Variants in PTPRT observed in about 807,000 individuals in gnomAD.
PTPRT encodes the protein receptor-type tyrosine-protein phosphatase T.
PTPRT carries 56 observed loss-of-function variants against 176.8 expected under a neutral mutation model. The observed-to-expected ratio is 0.32, with a 90% CI of 0.26 to 0.40. PTPRT has a LOEUF of 0.40. PTPRT is among the 10% of genes least tolerant of loss of function. PTPRT has a pLI of 1.00. For synonymous variants in PTPRT, 783 were observed against 739.0 expected (o/e 1.06, Z -0.96); for missense variants, 1,540 against 1,908.2 (o/e 0.81, Z 3.60).
At position 42,104,589 on chromosome 20, in the gene PTPRT, G is replaced by C. The variant is rs1986249924; in HGVS notation, c.3520C>G (p.Gln1174Glu). 1 of 1,613,158 alleles carries C rather than the reference G, an allele frequency of 6.2e-7. No homozygotes were observed. The highest frequency in any genetic ancestry group is 8.5e-7 in the Non-Finnish European group (1 of 1,179,252). Reference protein sequence around the residue: ...SRLDPQTNSSQIKDEFQTLNI... With the variant: ...SRLDPQTNSSEIKDEFQTLNI... Reference sequence around the variant, plus strand: ...CATACCTGAAATTCATCTTTGATTTGGCTGGAGTTTGTCTGGGGGTCCAGC... The same window carrying C: ...CATACCTGAAATTCATCTTTGATTTCGCTGGAGTTTGTCTGGGGGTCCAGC... Residue 1174 changes from glutamine to glutamate, a missense_variant, in exon 25 of 31, where the codon CAA becomes GAA. This residue lies in a region of PTPRT where 342 missense variants were observed against 394.0 expected (regional missense o/e 0.87). Coordinates refer to ENST00000373187, the MANE Select transcript of PTPRT (RefSeq NM_007050.6).
chr20:42,125,284 C>T (rs143684070), intron 19 of PTPRT, among the ~76,000 whole-genome samples: 155 of 152,326 alleles, frequency 1.0e-3, no homozygotes, highest in African/African-American at 3.5e-3. Flanking sequence ...AGTAATTGCA[C>T]ACTTGTGGGG....
At chr20:42,337,405 T>C (rs1451036755) in intron 11 of PTPRT, among the ~76,000 whole-genome samples, 1 of 152,176 alleles carries the variant, frequency 6.6e-6, no homozygotes, top group African/African-American at 2.4e-5. Context: ...CTTCTCAGGA[T>C]CTCAGTTTTC....
intron 1 of PTPRT, among the ~76,000 whole-genome samples, chr20:43,186,938 T>C (rs948912285): frequency 6.6e-6 from 1 of 152,214 alleles, no homozygotes; most frequent in African/African-American, 2.4e-5. Context: ...ATGAATTCAT[T>C]ATCCCCTTAT....
At position 42,108,121 on chromosome 20, in the gene PTPRT, A is replaced by AAAT. The variant is rs1986643504; in HGVS notation, c.3255-1203_3255-1201dup. Among the ~76,000 whole-genome samples the AAAT allele has an allele frequency of 2.0e-5, 3 of 151,782 alleles. No homozygotes were observed. The South Asian group carries it at 6.3e-4, about 32-fold the overall frequency. On this transcript the variant is annotated intron_variant, in intron 23 of 30. Coordinates refer to ENST00000373187, the MANE Select transcript of PTPRT (RefSeq NM_007050.6). ...TAAAGAATCAGCCCAATTTGGTTCC[A>AAAT]AATTTTGGAACAACTATCAATCAAT...
At chr20:42,612,982 A>G (rs2073999776) in intron 7 of PTPRT, among the ~76,000 whole-genome samples, 1 of 152,182 alleles carries the variant, frequency 6.6e-6, no homozygotes, top group South Asian at 2.1e-4. Flanking sequence ...GCATAGGGGG[A>G]AAAAAGACCA....
chr20:42,948,704 T>C (rs1981041428), intron 1 of PTPRT, among the ~76,000 whole-genome samples: 1 of 152,176 alleles, frequency 6.6e-6, no homozygotes, highest in South Asian at 2.1e-4. Flanking sequence ...AATTCAGTGA[T>C]GCTTGAAGGA....
chr20:42,646,418 G>C (rs2074900959), intron 7 of PTPRT, among the ~76,000 whole-genome samples: 1 of 152,072 alleles, frequency 6.6e-6, no homozygotes, highest in Admixed American at 6.5e-5. Context: ...CAGAAGTTGA[G>C]TTATTGCAAC....
intron 7 of PTPRT, among the ~76,000 whole-genome samples, chr20:42,610,419 T>A (rs1432651706): frequency 2.0e-5 from 3 of 150,584 alleles, no homozygotes; most frequent in Non-Finnish European, 4.4e-5. Flanking sequence ...GGGGTCTCAC[T>A]ATGTTGACCA....
At chr20:43,157,252 T>C (rs1039412140) in intron 1 of PTPRT, among the ~76,000 whole-genome samples, 4 of 150,860 alleles carry the variant, frequency 2.7e-5, no homozygotes, top group South Asian at 2.1e-4. Flanking sequence ...CCCAGCTACT[T>C]GGGGAGGGGG....
chr20:42,804,392 AC>A lies in PTPRT; in HGVS notation c.215-12927del, dbSNP rs2077574675. On this transcript the variant is annotated intron_variant, in intron 2 of 30. Transcript: ENST00000373187. Reference sequence around the variant, plus strand: ...GTTCCCCTTCCTCTTGCTGCTGTCCACCTCATCCAGTCAAGTGGTCTCTGCA... The same window carrying A: ...GTTCCCCTTCCTCTTGCTGCTGTCCACTCATCCAGTCAAGTGGTCTCTGCA... Among the ~76,000 whole-genome samples the A allele has an allele frequency of 2.0e-5, 3 of 152,004 alleles. No individual in the cohort carries two copies. In the South Asian group the frequency reaches 6.2e-4, roughly 32 times the overall value.
chr20:42,910,209 G>A (rs528268783), intron 1 of PTPRT, among the ~76,000 whole-genome samples: 67 of 152,120 alleles, frequency 4.4e-4, no homozygotes, highest in African/African-American at 1.3e-3. Flanking sequence ...GTTTTGATTC[G>A]GATTCACAAG....
chr20:42,547,392 T>A (rs1027811636), intron 7 of PTPRT, among the ~76,000 whole-genome samples: 1 of 151,636 alleles, frequency 6.6e-6, no homozygotes, highest in African/African-American at 2.4e-5. Flanking sequence ...ATAGAAACAC[T>A]GTAAAATGAA....
Position 42,176,619 on chromosome 20 carries a change from C to T in PTPRT, c.2492-15077G>A, listed in dbSNP as rs1002385849. Among the ~76,000 whole-genome samples the T allele has an allele frequency of 3.7e-4, 57 of 152,152 alleles. 1 individual carries two copies. Among genetic ancestry groups the T allele is most frequent in the African/African-American group, 1.3e-3 (53 of 41,418 alleles). On this transcript the variant is annotated intron_variant, in intron 16 of 30. Transcript: ENST00000373187. Reference sequence around the variant, plus strand: ...GATAGAAGGAAAAGACTAAGTAATGCCTCACACTGAAAATACAGACTGCTC... The same window carrying T: ...GATAGAAGGAAAAGACTAAGTAATGTCTCACACTGAAAATACAGACTGCTC...
At chr20:43,179,204 T>C (rs1234784425) in intron 1 of PTPRT, among the ~76,000 whole-genome samples, 1 of 152,228 alleles carries the variant, frequency 6.6e-6, no homozygotes, top group Non-Finnish European at 1.5e-5. Flanking sequence ...TGACAGTTTC[T>C]TCTGTGATGA....
intron 7 of PTPRT, among the ~76,000 whole-genome samples, chr20:42,520,913 A>G (rs941516030): frequency 2.0e-5 from 3 of 151,744 alleles, no homozygotes; most frequent in Middle Eastern, 3.4e-3. Flanking sequence ...ACACAAACCC[A>G]TATCTATTTA....
At chr20:42,666,053 TG>T (rs1201444624) in intron 7 of PTPRT, among the ~76,000 whole-genome samples, 1 of 151,550 alleles carries the variant, frequency 6.6e-6, no homozygotes, top group Non-Finnish European at 1.5e-5. Flanking sequence ...GTAACAAACC[TG>T]CACGTTGTGC....
intron 1 of PTPRT, among the ~76,000 whole-genome samples, chr20:43,077,497 T>A (rs987959722): frequency 2.6e-5 from 4 of 152,170 alleles, no homozygotes; most frequent in African/African-American, 9.7e-5. Flanking sequence ...CAGGTACTGA[T>A]CATGATACTC....
chr20:42,065,994 T>A, the PTPRT span, among the ~76,000 whole-genome samples: 2 of 152,246 alleles, frequency 1.3e-5, no homozygotes, highest in African/African-American at 4.8e-5. Context: ...ATTGAAGTAT[T>A]TTTGAATTCT....
At chr20:42,884,284 T>G (rs554195898) in intron 2 of PTPRT, among the ~76,000 whole-genome samples, 1 of 152,314 alleles carries the variant, frequency 6.6e-6, no homozygotes, top group East Asian at 1.9e-4. Flanking sequence ...ACAGCCTAAC[T>G]TTATTACACC....
Sources: allele counts gnomAD v4.1 joint callset (sites outside exome capture counted in the v4.1 genomes callset), GRCh38; gene constraint gnomAD v4.1.1; regional missense constraint gnomAD v4.1.1; transcripts MANE v1.5; gene names NCBI Gene and HGNC (gene_info 2026-07-23, HGNC 2026-07-21).